Variants in VPS13A observed in about 807,000 individuals in gnomAD.
The protein encoded by VPS13A is intermembrane lipid transfer protein VPS13A.
VPS13A carries 264 observed loss-of-function variants against 390.9 expected under a neutral mutation model. That is an observed-to-expected ratio of 0.68 (90% CI 0.61 to 0.75). VPS13A has a LOEUF of 0.75. Ranked by LOEUF, VPS13A falls within the 30% of genes least tolerant of loss-of-function variation. The pLI is 0.00. For missense variants in VPS13A, 3,409 were observed against 3,733.9 expected, an observed-to-expected ratio of 0.91 and a Z score of 2.27; for synonymous variants, 1,231 against 1,227.1, an observed-to-expected ratio of 1.00 and a Z score of -0.07.
chr9:77,240,511 C>G (rs976307508), intron 19 of VPS13A, among the ~76,000 whole-genome samples: 2 of 112,100 alleles, frequency 1.8e-5, no homozygotes, highest in Non-Finnish European at 3.5e-5. Context: ...GTGTCTTGTT[C>G]TGTCAGCCAG....
In VPS13A at chr9:77,220,369, C is replaced by A; in HGVS notation, c.975C>A (p.His325Gln). The A allele has an allele frequency of 6.2e-7, 1 of 1,608,958 alleles. No individual in the cohort carries two copies. The highest frequency in any genetic ancestry group is 1.3e-5 in the African/African-American group (1 of 74,686). Residue 325 changes from histidine (H) to glutamine (Q), a missense_variant, in exon 12 of 72, where the codon CAC becomes CAA. Physicochemically the swap from His to Gln is conservative, Grantham distance 24. Transcript: ENST00000360280. ...RKFKPDVPLH[H>Q]HAREWWAYAI... ...TCAAACCTGATGTGCCTCTTCACCACCATGCCAGAGAATGGTAAATGCCTT... is the reference window on the plus strand; with the variant it reads ...TCAAACCTGATGTGCCTCTTCACCAACATGCCAGAGAATGGTAAATGCCTT...
chr9:77,362,852 GTATTA>G (rs551466596), intron 59 of VPS13A, among the ~76,000 whole-genome samples: 263 of 152,016 alleles, frequency 1.7e-3, no homozygotes, highest in Admixed American at 2.8e-3. Context: ...TTATTCCTAT[GTATTA>G]TATTCTTCTT....
chr9:77,188,092 C>T (rs1824455880), intron 1 of VPS13A, among the ~76,000 whole-genome samples: 1 of 152,092 alleles, frequency 6.6e-6, no homozygotes, highest in Admixed American at 6.5e-5. Context: ...TGTGTGGCAC[C>T]TCCCTATGCA....
chr9:77,322,184 A>G (rs1829783876), intron 44 of VPS13A, among the ~76,000 whole-genome samples: 2 of 150,422 alleles, frequency 1.3e-5, no homozygotes, highest in African/African-American at 4.9e-5. Flanking sequence ...TGGCTTTAGG[A>G]TTTATAAATG....
chr9:77,188,354 A>T, intron 1 of VPS13A, among the ~76,000 whole-genome samples: 1 of 152,210 alleles, frequency 6.6e-6, no homozygotes, highest in East Asian at 1.9e-4. Context: ...CCGTCTTGTG[A>T]GAATATGCAG....
intron 1 of VPS13A, among the ~76,000 whole-genome samples, chr9:77,198,649 GTC>G (rs943501576): frequency 2.9e-4 from 44 of 151,260 alleles, no homozygotes; most frequent in African/African-American, 9.9e-4. Context: ...TATTTTTTTT[GTC>G]TCTCTCTCTT....
At chr9:77,314,421 T>C in intron 36 of VPS13A, 74 bp from the exon 37 acceptor site, 2 of 1,422,620 alleles carry the variant, frequency 1.4e-6, no homozygotes, top group Admixed American at 1.7e-5. Context: ...CAATAATTTG[T>C]AGTAGTTCAT....
intron 26 of VPS13A, 127 bp downstream of exon 26, chr9:77,276,348 T>C: frequency 1.1e-6 from 1 of 898,214 alleles, no homozygotes. Context: ...ACCATTCCTT[T>C]TTGAGTTAAT....
In VPS13A at chr9:77,321,250, A is replaced by G; in HGVS notation, c.5497A>G (p.Ile1833Val). 2 of 1,611,138 alleles carry G rather than the reference A, an allele frequency of 1.2e-6. No individual in the cohort carries two copies. The highest frequency in any genetic ancestry group is 2.7e-5 in the African/African-American group (2 of 74,972). Residue 1833 changes from isoleucine to valine, a missense_variant, in exon 43 of 72, where the codon ATC becomes GTC. By Grantham distance (29) the Ile-to-Val change is conservative (BLOSUM62 3). Transcript: ENST00000360280. ...CAAAGTGCCAGAATATAAAACTGTCATCAGTTTCCATTCAAAAGACCAATT... is the reference window on the plus strand; with the variant it reads ...CAAAGTGCCAGAATATAAAACTGTCGTCAGTTTCCATTCAAAAGACCAATT... Reference protein sequence around the residue: ...NYKVPEYKTVISFHSKDQLNI... With the variant: ...NYKVPEYKTVVSFHSKDQLNI...
chr9:77,340,695 C>A, intron 50 of VPS13A, 145 bp downstream of exon 50: 1 of 993,958 alleles, frequency 1.0e-6, no homozygotes, highest in Non-Finnish European at 1.5e-6. Context: ...AATATTTGTG[C>A]CCTGCTCTAG....
rs368119946 is a variant in VPS13A, at chr9:77,416,020, C to T, written c.*14C>T. 6.2e-7 allele frequency: 1 copy of T among 1,613,136 alleles called. No homozygotes were observed. The highest frequency in any genetic ancestry group is 8.5e-7 in the Non-Finnish European group (1 of 1,179,308). On this transcript the variant is annotated 3_prime_UTR_variant, in exon 72 of 72. Coordinates refer to ENST00000360280, the MANE Select transcript of VPS13A (RefSeq NM_033305.3). ...CCGAGCCTCTGACAGAGAACACTGCCTGAAGACACACAGCAATAAGTGATT... is the reference window on the plus strand; with the variant it reads ...CCGAGCCTCTGACAGAGAACACTGCTTGAAGACACACAGCAATAAGTGATT...
intron 50 of VPS13A, among the ~76,000 whole-genome samples, chr9:77,341,820 A>T (rs1475590348): frequency 6.8e-6 from 1 of 147,380 alleles, no homozygotes; most frequent in East Asian, 2.0e-4. Flanking sequence ...AAGTATATTC[A>T]TTCTTTCAAC....
chr9:77,311,486 GT>G, intron 35 of VPS13A, among the ~76,000 whole-genome samples: 1 of 151,862 alleles, frequency 6.6e-6, no homozygotes, highest in Non-Finnish European at 1.5e-5. Context: ...ACAAGGCCTG[GT>G]TTTTTTTAAA....
At chr9:77,213,099 A>G in intron 8 of VPS13A, 71 bp downstream of exon 8, 1 of 1,568,778 alleles carries the variant, frequency 6.4e-7, no homozygotes, top group South Asian at 1.1e-5. Flanking sequence ...TAATATATAG[A>G]TAAGGATGTA....
At chr9:77,402,562 C>T (rs1186227199) in intron 68 of VPS13A, among the ~76,000 whole-genome samples, 2 of 151,612 alleles carry the variant, frequency 1.3e-5, no homozygotes, top group Non-Finnish European at 2.9e-5. Flanking sequence ...ATCCTCAGAG[C>T]AAATATTACT....
Position 77,320,329 on chromosome 9 carries a change from C to G in VPS13A, c.5415+656C>G, listed in dbSNP as rs528228383. 4.6e-5 allele frequency among the ~76,000 whole-genome samples: 7 copies of G among 152,278 alleles called. No individual in the cohort carries two copies. The South Asian group carries it at 1.2e-3, about 27-fold the overall frequency. On this transcript the variant is annotated intron_variant, in intron 42 of 71. Transcript: ENST00000360280. ...GTGTCATCATCTTGTAGGTTGTTGT[C>G]TATCCTGAGTTTCCTTCATCCTTTG...
intron 1 of VPS13A, among the ~76,000 whole-genome samples, chr9:77,195,770 T>G (rs1316845510): frequency 8.5e-5 from 13 of 152,118 alleles, no homozygotes. Context: ...AATGCTTTAT[T>G]TTTATTTTTA....
intron 1 of VPS13A, among the ~76,000 whole-genome samples, chr9:77,187,352 G>T (rs1824400111): frequency 6.6e-6 from 1 of 152,152 alleles, no homozygotes; most frequent in Non-Finnish European, 1.5e-5. Flanking sequence ...CCTACCAACA[G>T]TGTACAAAGG....
At chr9:77,376,967 A>G (rs1274647416) in intron 67 of VPS13A, among the ~76,000 whole-genome samples, 1 of 152,320 alleles carries the variant, frequency 6.6e-6, no homozygotes, top group East Asian at 1.9e-4. Context: ...TTTTAGGGTC[A>G]GTTTGTCAAT....
Sources: allele counts gnomAD v4.1 joint callset (sites outside exome capture counted in the v4.1 genomes callset), GRCh38; gene constraint gnomAD v4.1.1; transcripts MANE v1.5; gene names NCBI Gene and HGNC (gene_info 2026-07-23, HGNC 2026-07-21).